Variants in WBP11 observed in about 807,000 individuals in gnomAD.
WBP11 encodes WW domain binding protein 11.
In WBP11, 12 loss-of-function variants were observed where a neutral mutation model predicts 66.7. The ratio of observed to expected loss-of-function variants is 0.18; its 90% CI spans 0.12 to 0.29. The LOEUF (loss-of-function observed/expected upper bound fraction) is 0.29, where lower values mean the gene tolerates loss of function less well. Among genes scored for constraint, WBP11 ranks in the 10% least tolerant of loss-of-function variants. The pLI is 1.00. For missense variants in WBP11, 555 were observed against 818.3 expected (o/e 0.68, Z 3.93); for synonymous variants, 255 against 273.8 (o/e 0.93, Z 0.68).
chr12:14,788,013 G>A (rs184075932), intron 11 of WBP11, among the ~76,000 whole-genome samples: 57 of 152,238 alleles, frequency 3.7e-4, no homozygotes, highest in Non-Finnish European at 7.2e-4. Context: ...GAGGCGGGTG[G>A]ATCATTTGAG....
intron 2 of WBP11, chr12:14,801,105 C>G: frequency 2.1e-6 from 1 of 479,980 alleles, no homozygotes; most frequent in Non-Finnish European, 3.6e-6. Context: ...TCAGCCAATT[C>G]TACTTTGCAA....
chr12:14,797,300 G>A (rs948524193), intron 4 of WBP11, among the ~76,000 whole-genome samples: 2 of 152,114 alleles, frequency 1.3e-5, no homozygotes, highest in Non-Finnish European at 2.9e-5. Flanking sequence ...GATTCTGTCA[G>A]ATTTGTGTTT....
At position 14,796,727 on chromosome 12, in the gene WBP11, T is replaced by C. The variant is rs921325360; in HGVS notation, c.387+80A>G. 18 of 1,329,388 alleles carry C rather than the reference T, an allele frequency of 1.4e-5. No homozygotes were observed. The highest frequency in any genetic ancestry group is 1.0e-4 in the East Asian group (4 of 38,798). 82.3% of individuals were successfully genotyped at this position (1,329,388 alleles called of 1,614,324 possible). On this transcript the variant is annotated intron_variant, in intron 5 of 11. Coordinates refer to ENST00000261167, the MANE Select transcript of WBP11 (RefSeq NM_016312.3). This position sits in a 1 kb window ranked among gnomAD's most constrained non-coding sequence, Gnocchi z 4.5. ...AACAACCCTAAATCCAAAACACTTCTGGTCCCAAGCACTTTGCATAAGGGA... is the reference window on the plus strand; with the variant it reads ...AACAACCCTAAATCCAAAACACTTCCGGTCCCAAGCACTTTGCATAAGGGA...
intron 8 of WBP11, among the ~76,000 whole-genome samples, chr12:14,791,751 C>G (rs1040671929): frequency 1.3e-5 from 2 of 152,150 alleles, no homozygotes; most frequent in African/African-American, 2.4e-5. Context: ...ATGTCATCAA[C>G]CAACCAGTGG....
chr12:14,794,779 T>A, intron 6 of WBP11, 43 bp from the exon 7 acceptor site: 1 of 1,531,914 alleles, frequency 6.5e-7, no homozygotes, highest in East Asian at 2.3e-5. Flanking sequence ...CCCACAGTAA[T>A]CACTTAACAG....
At position 14,801,360 on chromosome 12, in the gene WBP11, G is replaced by A; in HGVS notation, c.24C>T (p.Ser8=). Residue 8 remains serine (S), a synonymous_variant, in exon 2 of 12, where the codon TCC becomes TCT. Transcript: ENST00000261167. ...GGTTCATAAATTTTCCACTCTTGGTGGATGATGTAGATCTCCGTCCCATGT... is the reference window on the plus strand; with the variant it reads ...GGTTCATAAATTTTCCACTCTTGGTAGATGATGTAGATCTCCGTCCCATGT... MGRRSTS[S]TKSGKFMNPT... 1 of 1,613,176 alleles carries A rather than the reference G, an allele frequency of 6.2e-7. No individual in the cohort carries two copies. Among genetic ancestry groups the A allele is most frequent in the Non-Finnish European group, 8.5e-7 (1 of 1,179,590 alleles).
chr12:14,798,641 A>G (rs1053801352), intron 4 of WBP11, among the ~76,000 whole-genome samples: 5 of 152,090 alleles, frequency 3.3e-5, no homozygotes, highest in Non-Finnish European at 7.4e-5. Context: ...ATTCTCCCAC[A>G]TTATTTCAGA....
In WBP11 at chr12:14,787,235, G is replaced by A; in HGVS notation, c.1756C>T (p.Arg586Cys). ...GCAGTAGCCCCTTTATTCTCCCGAC[G>A]TACTCTCAGTGCAGTGGGCACAAAT... ...TRFVPTALRVRRENKGATAAP... is the reference protein window; with the variant it reads ...TRFVPTALRVCRENKGATAAP... Residue 586 changes from arginine to cysteine, a missense_variant, in exon 12 of 12, where the codon CGT becomes TGT. Physicochemically the swap from Arg to Cys is radical, Grantham distance 180 (BLOSUM62 -3). Transcript: ENST00000261167. 5 of 1,614,154 alleles carry A rather than the reference G, an allele frequency of 3.1e-6. No homozygotes were observed. The highest frequency in any genetic ancestry group is 3.4e-6 in the Non-Finnish European group (4 of 1,180,046).
In WBP11 at chr12:14,794,740, T is replaced by C. The variant is rs1379564944; in HGVS notation, c.522-4A>G. ...AGAAACTGCCCGAGTTGGAGGTCTGTTAAAAAAAAAAACAAAAACAAAAAA... is the reference window on the plus strand; with the variant it reads ...AGAAACTGCCCGAGTTGGAGGTCTGCTAAAAAAAAAAACAAAAACAAAAAA... On this transcript the variant is annotated splice_region_variant and splice_polypyrimidine_tract_variant and intron_variant, in intron 6 of 11. Transcript: ENST00000261167. The C allele has an allele frequency of 5.4e-5, 82 of 1,512,372 alleles. No homozygotes were observed. The highest frequency in any genetic ancestry group is 6.9e-5 in the Non-Finnish European group (79 of 1,139,752). The allele number at this position is 1,512,372 out of a possible 1,614,324, so 93.7% of individuals were successfully genotyped here.
rs1418919130 is a variant in WBP11, at chr12:14,796,169, ATTTTTC to A, written c.387+632_387+637del. 6.6e-6 allele frequency among the ~76,000 whole-genome samples: 1 copy of A among 151,854 alleles called. No homozygotes were observed. The highest frequency in any genetic ancestry group is 1.5e-5 in the Non-Finnish European group (1 of 67,972). ...AGCATGTTTTTGAGATTTACTCACA[ATTTTTC>A]TTTTTTTATTCCATGCTGTTTTGAG... On this transcript the variant is annotated intron_variant, in intron 5 of 11. Coordinates refer to ENST00000261167, the MANE Select transcript of WBP11 (RefSeq NM_016312.3). The surrounding 1 kb of genome is among the most constrained non-coding windows in gnomAD (Gnocchi z 4.5).
chr12:14,791,103 A>G, intron 9 of WBP11, 66 bp downstream of exon 9: 1 of 1,465,198 alleles, frequency 6.8e-7, no homozygotes, highest in Non-Finnish European at 9.5e-7. Context: ...AAATGGAAAA[A>G]CGTATGTAAA....
At chr12:14,795,677 C>T (rs7963211) in intron 5 of WBP11, among the ~76,000 whole-genome samples, 12,282 of 152,110 alleles carry the variant, frequency 0.081, 621 homozygotes, top group East Asian at 0.12. Context: ...TTGCAGTGAG[C>T]CAAGATGGTG....
chr12:14,802,879 C>A (rs1387084212), intron 1 of WBP11, among the ~76,000 whole-genome samples: 1 of 152,108 alleles, frequency 6.6e-6, no homozygotes, highest in Non-Finnish European at 1.5e-5. Context: ...ACAACGGATA[C>A]GAATTACAGA....
chr12:14,792,519 ATG>A (rs1235915795), intron 8 of WBP11, among the ~76,000 whole-genome samples: 2 of 131,510 alleles, frequency 1.5e-5, no homozygotes, highest in Non-Finnish European at 3.6e-5. Flanking sequence ...TTTTCAGAAC[ATG>A]TGTGTTGATG....
At chr12:14,791,995 G>A (rs998481986) in intron 8 of WBP11, among the ~76,000 whole-genome samples, 1 of 152,094 alleles carries the variant, frequency 6.6e-6, no homozygotes. Context: ...AAGGGTGGGA[G>A]GGGAGTGAAG....
chr12:14,794,729 T>C lies in WBP11; in HGVS notation c.529A>G (p.Thr177Ala). Reference protein sequence around the residue: ...LKKTSAYGPPTRAVSILPLLG... With the variant: ...LKKTSAYGPPARAVSILPLLG... ...AGAGGAAGGATAGAAACTGCCCGAGTTGGAGGTCTGTTAAAAAAAAAAACA... is the reference window on the plus strand; with the variant it reads ...AGAGGAAGGATAGAAACTGCCCGAGCTGGAGGTCTGTTAAAAAAAAAAACA... Residue 177 changes from threonine to alanine, a missense_variant, in exon 7 of 12, where the codon ACT becomes GCT. Physicochemically the swap from Thr to Ala is moderately conservative, Grantham distance 58. Transcript: ENST00000261167. 1 of 1,545,552 alleles carries C rather than the reference T, an allele frequency of 6.5e-7. No individual in the cohort carries two copies. The highest frequency in any genetic ancestry group is 1.2e-5 in the South Asian group (1 of 80,908).
In WBP11 at chr12:14,787,108, T is replaced by C. The variant is rs781429078; in HGVS notation, c.1883A>G (p.Asp628Gly). ...SVPVSVQTKD[D>G]VYEAFMKEME... ...CTCTTTCATGAAAGCCTCATAGACA[T>C]CATCCTTAGTTTGTACTGAGACAGG... The change falls in exon 12 of 12, where the codon GAT becomes GGT. Residue 628 changes from aspartate (D) to glycine (G), a missense_variant. Coordinates refer to ENST00000261167, the MANE Select transcript of WBP11 (RefSeq NM_016312.3). The C allele has an allele frequency of 6.2e-7, 1 of 1,613,728 alleles. No individual in the cohort carries two copies.
At position 14,803,432 on chromosome 12, in the gene WBP11, T is replaced by C. The variant is rs372787506; in HGVS notation, c.-126A>G. 90 of 398,784 alleles carry C rather than the reference T, an allele frequency of 2.3e-4. 1 individual carries two copies. The highest frequency in any genetic ancestry group is 1.7e-3 in the African/African-American group (84 of 48,746). 24.7% of individuals were successfully genotyped at this position (398,784 alleles called of 1,614,324 possible). A position where few individuals can be genotyped will look rare whatever the true frequency, so the allele number is the denominator to read the frequency against. The stretch of plus-strand genomic sequence containing the variant: ...CTTTCACTTCGTAAAGGCCTTCAAC[T>C]GGGTCTCTCGGTCAACCCCTCAGCT... On this transcript the variant is annotated 5_prime_UTR_variant, in exon 1 of 12. Transcript: ENST00000261167.
At position 14,796,638 on chromosome 12, in the gene WBP11, A is replaced by G. The variant is rs529354878; in HGVS notation, c.387+169T>C. Among the ~76,000 whole-genome samples the G allele has an allele frequency of 6.6e-6, 1 of 152,182 alleles. No individual in the cohort carries two copies. The highest frequency in any genetic ancestry group is 1.5e-5 in the Non-Finnish European group (1 of 68,020). On this transcript the variant is annotated intron_variant, in intron 5 of 11. Coordinates refer to ENST00000261167, the MANE Select transcript of WBP11 (RefSeq NM_016312.3). The surrounding 1 kb of genome is among the most constrained non-coding windows in gnomAD (Gnocchi z 4.5). The stretch of plus-strand genomic sequence containing the variant: ...GAAACATAAATTTCATGCTTAGACT[A>G]GGGTTCCATCCCCAAAATATATGCA...
Sources: allele counts gnomAD v4.1 joint callset (sites outside exome capture counted in the v4.1 genomes callset), GRCh38; gene constraint gnomAD v4.1.1; non-coding constraint Gnocchi (gnomAD v3.1); transcripts MANE v1.5; gene names NCBI Gene and HGNC (gene_info 2026-07-23, HGNC 2026-07-21).